STK3: variants seen among roughly 807,000 people sequenced by gnomAD.
STK3 encodes the protein serine/threonine kinase 3.
In STK3, 41 loss-of-function variants were observed where a neutral mutation model predicts 58.0. That is an observed-to-expected ratio of 0.71 (90% CI 0.55 to 0.92). STK3 has a LOEUF of 0.92. Among genes scored for constraint, STK3 ranks in the 40% least tolerant of loss-of-function variants. The probability of loss-of-function intolerance (pLI) is 0.00; values close to 1 mark genes in which losing one functional copy is unlikely to be tolerated. For missense variants in STK3, 479 were observed against 602.7 expected (o/e 0.79, Z 2.15); for synonymous variants, 170 against 191.0 (o/e 0.89, Z 0.91).
At chr8:98,753,306 G>T (rs902089955) in intron 3 of STK3, among the ~76,000 whole-genome samples, 1 of 152,162 alleles carries the variant, frequency 6.6e-6, no homozygotes, top group East Asian at 1.9e-4. Flanking sequence ...AAAGAACAAA[G>T]TCATGTCCTT....
intron 6 of STK3, among the ~76,000 whole-genome samples, chr8:98,669,664 C>G (rs903420798): frequency 1.3e-5 from 2 of 152,134 alleles, no homozygotes; most frequent in African/African-American, 2.4e-5. Flanking sequence ...CAAAAAAAAT[C>G]AATGAACACC....
intron 6 of STK3, among the ~76,000 whole-genome samples, chr8:98,647,614 C>T (rs980019091): frequency 8.5e-5 from 13 of 152,128 alleles, no homozygotes; most frequent in Non-Finnish European, 1.2e-4. Flanking sequence ...GGCACGATCT[C>T]GGCTCACTGC....
intron 1 of STK3, among the ~76,000 whole-genome samples, chr8:98,792,382 C>T (rs1416773765): frequency 1.3e-5 from 2 of 152,166 alleles, no homozygotes; most frequent in Non-Finnish European, 2.9e-5. Flanking sequence ...CTATGGAAAA[C>T]AGTGTGGAGA....
chr8:98,554,627 TA>T (rs889659887), intron 8 of STK3, among the ~76,000 whole-genome samples: 2 of 152,072 alleles, frequency 1.3e-5, no homozygotes, highest in Admixed American at 1.3e-4. Context: ...AAATTGACAG[TA>T]AAAAATAGCA....
chr8:98,937,310 T>C (rs1840232437), intron 1 of STK3, among the ~76,000 whole-genome samples: 1 of 152,222 alleles, frequency 6.6e-6, no homozygotes. Flanking sequence ...AGTGGAATTA[T>C]CACCTGGCAT....
intron 6 of STK3, among the ~76,000 whole-genome samples, chr8:98,682,542 T>C (rs575865861): frequency 5.3e-5 from 8 of 152,146 alleles, no homozygotes; most frequent in Non-Finnish European, 8.8e-5. Flanking sequence ...CATTTAATTA[T>C]GCAAATTAAA....
intron 6 of STK3, among the ~76,000 whole-genome samples, chr8:98,688,643 G>GA (rs1372752042): frequency 6.6e-6 from 1 of 151,914 alleles, no homozygotes; most frequent in Non-Finnish European, 1.5e-5. Context: ...ATAAATACAT[G>GA]AAAACTAAAC....
intron 6 of STK3, among the ~76,000 whole-genome samples, chr8:98,695,050 G>A (rs1824757982): frequency 6.6e-6 from 1 of 152,164 alleles, no homozygotes; most frequent in African/African-American, 2.4e-5. Context: ...ATTCTAACTG[G>A]TGTGAGATGG....
chr8:98,584,974 C>A (rs1814365518), intron 7 of STK3, among the ~76,000 whole-genome samples: 1 of 149,796 alleles, frequency 6.7e-6, no homozygotes, highest in South Asian at 2.1e-4. Context: ...TGTTTGAGTT[C>A]ATTGTAGATT....
intron 3 of STK3, among the ~76,000 whole-genome samples, chr8:98,861,527 T>C (rs978823665): frequency 6.6e-6 from 1 of 151,800 alleles, no homozygotes; most frequent in Non-Finnish European, 1.5e-5. Context: ...TTTTGTATTT[T>C]AGTAGAGACG....
intron 8 of STK3, among the ~76,000 whole-genome samples, chr8:98,575,134 G>A (rs1269700895): frequency 6.6e-6 from 1 of 152,136 alleles, no homozygotes; most frequent in Non-Finnish European, 1.5e-5. Flanking sequence ...TGACATTCTA[G>A]ATTTTGAGCT....
intron 10 of STK3, among the ~76,000 whole-genome samples, chr8:98,487,597 C>T (rs2131306109): frequency 6.6e-6 from 1 of 152,318 alleles, no homozygotes; most frequent in Non-Finnish European, 1.5e-5. Context: ...TTCCATTCCA[C>T]TTATAAATTA....
chr8:98,711,549 A>G (rs1022157292), intron 4 of STK3, among the ~76,000 whole-genome samples: 4 of 152,228 alleles, frequency 2.6e-5, no homozygotes, highest in Non-Finnish European at 5.9e-5. Context: ...GGAAGATCAA[A>G]TGAATGAAAT....
At chr8:98,377,944 G>A (rs1182519642) in intron 2 of STK3, among the ~76,000 whole-genome samples, 7 of 152,166 alleles carry the variant, frequency 4.6e-5, no homozygotes, top group East Asian at 1.9e-4. Context: ...TGGGGAAGCC[G>A]TGAATGCAGG....
chr8:98,766,826 C>G (rs1222796415), intron 3 of STK3, among the ~76,000 whole-genome samples: 1 of 152,132 alleles, frequency 6.6e-6, no homozygotes, highest in African/African-American at 2.4e-5. Flanking sequence ...AATGGGAAGT[C>G]AGAAATGAAA....
intron 6 of STK3, among the ~76,000 whole-genome samples, chr8:98,612,875 C>G (rs1343838517): frequency 1.3e-5 from 2 of 152,092 alleles, no homozygotes; most frequent in Non-Finnish European, 2.9e-5. Context: ...AAGTAGGGAG[C>G]CAAGAATTTC....
intron 10 of STK3, among the ~76,000 whole-genome samples, chr8:98,487,003 A>C (rs917499954): frequency 6.6e-6 from 1 of 152,344 alleles, no homozygotes; most frequent in Non-Finnish European, 1.5e-5. Flanking sequence ...AGAAAGTGAG[A>C]TAAAACTATG....
At chr8:98,588,245 C>T (rs1201031915) in intron 7 of STK3, among the ~76,000 whole-genome samples, 1 of 151,804 alleles carries the variant, frequency 6.6e-6, no homozygotes, top group Non-Finnish European at 1.5e-5. Flanking sequence ...GCCGGTTGTT[C>T]CTTTCCATTT....
intron 4 of STK3, among the ~76,000 whole-genome samples, chr8:98,711,019 A>G (rs751170204): frequency 6.6e-6 from 1 of 152,218 alleles, no homozygotes; most frequent in Non-Finnish European, 1.5e-5. Context: ...GCTCATACCC[A>G]GGCAAACAGA....
Sources: allele counts gnomAD v4.1 joint callset (sites outside exome capture counted in the v4.1 genomes callset), GRCh38; gene constraint gnomAD v4.1.1; transcripts MANE v1.5; gene names NCBI Gene and HGNC (gene_info 2026-07-23, HGNC 2026-07-21).